The following ASCC3 variants were observed in gnomAD, a reference collection of about 807,000 sequenced individuals.
ASCC3 encodes ASC-1 complex subunit P200.
In ASCC3, 158 loss-of-function variants were observed where a neutral mutation model predicts 256.3. The observed-to-expected ratio is 0.62, with a 90% CI of 0.54 to 0.70. The LOEUF is 0.70. ASCC3 is among the 30% of genes least tolerant of loss of function. ASCC3 has a pLI of 0.00. For missense variants in ASCC3, 2,259 were observed against 2,626.0 expected (o/e 0.86, Z 3.05); for synonymous variants, 948 against 883.4 (o/e 1.07, Z -1.30).
intron 39 of ASCC3, among the ~76,000 whole-genome samples, chr6:100,514,805 T>G (rs1386044093): frequency 6.6e-6 from 1 of 152,160 alleles, no homozygotes; most frequent in Non-Finnish European, 1.5e-5. Context: ...CCAGGCATAC[T>G]GATGGGGTAG....
At chr6:100,867,628 G>A (rs1469837444) in intron 2 of ASCC3, among the ~76,000 whole-genome samples, 2 of 151,952 alleles carry the variant, frequency 1.3e-5, no homozygotes, top group Admixed American at 6.6e-5. Flanking sequence ...ACAGGATTAA[G>A]TTACAAACGT....
intron 37 of ASCC3, among the ~76,000 whole-genome samples, chr6:100,519,845 G>C (rs1337010730): frequency 1.3e-5 from 2 of 152,010 alleles, no homozygotes; most frequent in East Asian, 3.9e-4. Context: ...TTCACTGTAG[G>C]ATCCAGATGT....
intron 25 of ASCC3, among the ~76,000 whole-genome samples, chr6:100,631,896 A>G (rs1774564289): frequency 6.6e-6 from 1 of 151,964 alleles, no homozygotes; most frequent in African/African-American, 2.4e-5. Context: ...AAGTAGGAAA[A>G]CTTAGGGTTA....
At chr6:100,631,678 G>T (rs1774553610) in intron 25 of ASCC3, among the ~76,000 whole-genome samples, 1 of 151,818 alleles carries the variant, frequency 6.6e-6, no homozygotes, top group African/African-American at 2.4e-5. Context: ...GTTTTGAAGA[G>T]AAATAAACTA....
chr6:100,582,302 G>A (rs199514783), intron 36 of ASCC3, among the ~76,000 whole-genome samples: 9 of 151,886 alleles, frequency 5.9e-5, no homozygotes, highest in Non-Finnish European at 7.4e-5. Flanking sequence ...GGTCCTTCAC[G>A]TCCCTTGTAA....
chr6:100,780,790 C>T (rs977825898), intron 8 of ASCC3, among the ~76,000 whole-genome samples: 4 of 152,118 alleles, frequency 2.6e-5, no homozygotes, highest in Non-Finnish European at 5.9e-5. Context: ...CTCAATCACT[C>T]ATACTTATTT....
intron 10 of ASCC3, among the ~76,000 whole-genome samples, chr6:100,736,513 A>AT (rs1471856850): frequency 1.3e-5 from 2 of 151,982 alleles, no homozygotes; most frequent in African/African-American, 4.8e-5. Flanking sequence ...AAAAAAAAAA[A>AT]GTTCCTTTTA....
chr6:100,580,560 A>C (rs944644588), intron 36 of ASCC3, among the ~76,000 whole-genome samples: 7 of 151,618 alleles, frequency 4.6e-5, no homozygotes, highest in Non-Finnish European at 7.4e-5. Flanking sequence ...TATTCAGAAG[A>C]CCCAAAATAA....
At chr6:100,669,244 T>A (rs1776622097) in intron 14 of ASCC3, among the ~76,000 whole-genome samples, 2 of 149,394 alleles carry the variant, frequency 1.3e-5, no homozygotes, top group Non-Finnish European at 3.0e-5. Flanking sequence ...ATATTTTTCT[T>A]TTCTTTCATT....
Position 100,878,009 on chromosome 6 carries a change from G to A in ASCC3, c.-42+3052C>T, listed in dbSNP as rs187543771. ...TGAAAAACATGGCTGTGTAGGACAT[G>A]CTGAGAGACAGCATGTTATGCCAAC... On this transcript the variant is annotated intron_variant, in intron 1 of 41. Coordinates refer to ENST00000369162, the MANE Select transcript of ASCC3 (RefSeq NM_006828.4). Among the ~76,000 whole-genome samples, 13 of 152,284 alleles carry A rather than the reference G, an allele frequency of 8.5e-5. No individual in the cohort carries two copies. The East Asian group carries it at 2.1e-3, about 25-fold the overall frequency.
intron 40 of ASCC3, 195 bp from the exon 41 acceptor site, chr6:100,510,302 T>A: frequency 1.6e-6 from 1 of 612,278 alleles, no homozygotes; most frequent in South Asian, 2.0e-5. Flanking sequence ...TACTTCAAGA[T>A]TCTCAGAGCA....
chr6:100,618,688 C>T (rs982938930), intron 30 of ASCC3, among the ~76,000 whole-genome samples: 1 of 152,162 alleles, frequency 6.6e-6, no homozygotes, highest in Non-Finnish European at 1.5e-5. Context: ...AAGTATCTTA[C>T]CCCTGAAACC....
At chr6:100,570,646 A>G (rs1196796820) in intron 36 of ASCC3, among the ~76,000 whole-genome samples, 3 of 152,134 alleles carry the variant, frequency 2.0e-5, no homozygotes, top group Admixed American at 2.0e-4. Context: ...CCTCTGCTCA[A>G]TACTGACTGC....
In ASCC3 at chr6:100,848,422, A is replaced by G. The variant is rs764989343; in HGVS notation, c.527T>C (p.Leu176Ser). Residue 176 changes from leucine (L) to serine (S), a missense_variant, in exon 4 of 42, where the codon TTG (leucine) becomes TCG (serine). By Grantham distance (145) the Leu-to-Ser change is moderately radical. Transcript: ENST00000369162. ...NLAFSFDMHD[L>S]DHFDELPING... is the part of the protein sequence containing the mutation. ...TATTGGCAGTTCGTCAAAGTGGTCCAAATCATGCATGTCAAATGAAAATGC... is the reference window on the plus strand; with the variant it reads ...TATTGGCAGTTCGTCAAAGTGGTCCGAATCATGCATGTCAAATGAAAATGC... 4 of 1,612,858 alleles carry G rather than the reference A, an allele frequency of 2.5e-6. No individual in the cohort carries two copies. In the East Asian group the frequency reaches 6.7e-5, roughly 27 times the overall value.
At position 100,583,566 on chromosome 6, in the gene ASCC3, G is replaced by GT. The variant is rs558747434; in HGVS notation, c.5550+6067dup. On this transcript the variant is annotated intron_variant, in intron 36 of 41. Transcript: ENST00000369162. ...CCTGAATTCATTAATTTTTTGAAAG[G>GT]TTTTTTGTGTCTCTATTTCCTTGAG... is the stretch of plus-strand genomic sequence containing the variant. 4.3e-4 allele frequency among the ~76,000 whole-genome samples: 65 copies of GT among 152,186 alleles called. No individual in the cohort carries two copies. In the East Asian group the frequency reaches 0.012, roughly 29 times the overall value.
At chr6:100,711,765 GA>G (rs1195675118) in intron 13 of ASCC3, among the ~76,000 whole-genome samples, 2 of 152,040 alleles carry the variant, frequency 1.3e-5, no homozygotes, top group South Asian at 2.1e-4. Flanking sequence ...TCATAGACTA[GA>G]AAAGGTTCTC....
intron 37 of ASCC3, among the ~76,000 whole-genome samples, chr6:100,539,596 C>A (rs1256570733): frequency 6.6e-6 from 1 of 152,090 alleles, no homozygotes; most frequent in Non-Finnish European, 1.5e-5. Flanking sequence ...TAACTTCCTA[C>A]ATGCAAACTT....
chr6:100,843,591 C>T (rs1772251228), intron 4 of ASCC3, among the ~76,000 whole-genome samples: 2 of 152,068 alleles, frequency 1.3e-5, no homozygotes, highest in South Asian at 2.1e-4. Context: ...AATACATCTC[C>T]AATATGCTAG....
chr6:100,790,916 A>T (rs974928618), intron 8 of ASCC3, among the ~76,000 whole-genome samples: 4 of 151,890 alleles, frequency 2.6e-5, no homozygotes, highest in Non-Finnish European at 4.4e-5. Context: ...CGGTACTGCA[A>T]TCCTGAAAAG....
Sources: gnomAD v4.1 joint callset for allele counts (sites outside exome capture counted in the v4.1 genomes callset) on GRCh38, gnomAD v4.1.1 for gene constraint, MANE v1.5 for transcripts, NCBI Gene and HGNC (gene_info 2026-07-23, HGNC 2026-07-21) for gene names.